Variants in GTF2B observed in about 807,000 individuals in gnomAD.
GTF2B encodes transcription initiation factor IIB.
Under a neutral mutation model 34.6 loss-of-function variants are expected in GTF2B, and 20 were observed. That is an observed-to-expected ratio of 0.58 (90% CI 0.41 to 0.84). The LOEUF (loss-of-function observed/expected upper bound fraction) is 0.84. GTF2B is among the 40% of genes least tolerant of loss of function. The pLI is 0.00. For missense variants in GTF2B, 237 were observed against 393.3 expected (o/e 0.60, Z 3.36); for synonymous variants, 142 against 132.4 (o/e 1.07, Z -0.50).
Position 88,853,255 on chromosome 1 carries a change from G to T in GTF2B, c.909C>A (p.Asp303Glu). The T allele has an allele frequency of 3.1e-6, 5 of 1,613,198 alleles. No individual in the cohort carries two copies. Among genetic ancestry groups the T allele is most frequent in the Non-Finnish European group, 4.2e-6 (5 of 1,179,152 alleles). Reference protein sequence around the residue: ...YPRAPDLFPTDFKFDTPVDKL... With the variant: ...YPRAPDLFPTEFKFDTPVDKL... The stretch of plus-strand genomic sequence containing the variant: ...TGTCCACTGGGGTGTCAAATTTGAA[G>T]TCTGTAGGAAACAGATCTGGGGCTC... Residue 303 changes from aspartate (D) to glutamate (E), a missense_variant, in exon 7 of 7, where the codon GAC (aspartate) becomes GAA (glutamate). Asp to Glu is a conservative substitution (Grantham distance 45). Transcript: ENST00000370500.
At chr1:88,873,537 G>A (rs919036815) in intron 2 of GTF2B, among the ~76,000 whole-genome samples, 5 of 151,820 alleles carry the variant, frequency 3.3e-5, no homozygotes, top group Non-Finnish European at 7.4e-5. Flanking sequence ...ATACAGGTAG[G>A]GTTGCTATAA....
intron 2 of GTF2B, among the ~76,000 whole-genome samples, chr1:88,885,990 C>T (rs1008900086): frequency 2.0e-5 from 3 of 152,064 alleles, no homozygotes; most frequent in Non-Finnish European, 2.9e-5. Context: ...ACTACCTAAA[C>T]GTCAGTTTCC....
intron 6 of GTF2B, among the ~76,000 whole-genome samples, chr1:88,856,290 A>AAAAAAAAAG (rs1673310221): frequency 1.2e-5 from 1 of 80,150 alleles, no homozygotes; most frequent in African/African-American, 7.5e-5. Flanking sequence ...AAAAAAAAAA[A>AAAAAAAAAG]CAAAAAAAAA....
rs1251889848 is a variant in GTF2B, at chr1:88,887,337, T to C, written c.48A>G (p.Pro16=). ...RLDALPRVTC[P]NHPDAILVED... ...CCACTAAAATCGCATCTGGATGGTT[T>C]GGACATGTGACTCTTGGAAGAGCAT... Residue 16 remains proline (P), a synonymous_variant, in exon 2 of 7, where the codon CCA becomes CCG. Coordinates refer to ENST00000370500, the MANE Select transcript of GTF2B (RefSeq NM_001514.6). 6.2e-7 allele frequency: 1 copy of C among 1,611,746 alleles called. No homozygotes were observed. The highest frequency in any genetic ancestry group is 1.1e-5 in the South Asian group (1 of 91,056).
chr1:88,857,213 G>T lies in GTF2B; in HGVS notation c.810C>A (p.Thr270=), dbSNP rs1156302318. The T allele has an allele frequency of 4.4e-6, 7 of 1,601,332 alleles. No homozygotes were observed. Among genetic ancestry groups the T allele is most frequent in the South Asian group, 2.3e-5 (2 of 88,714 alleles). ...CCTGATGACGAACCCTACCTTTTTGGGTCCTCTTTTCAGCTGATGCCTGTG... is the reference window on the plus strand; with the variant it reads ...CCTGATGACGAACCCTACCTTTTTGTGTCCTCTTTTCAGCTGATGCCTGTG... ...MASQASAEKR[T]QKEIGDIAGV... The change falls in exon 6 of 7, where the codon ACC becomes ACA. Residue 270 remains threonine, a synonymous_variant. Coordinates refer to ENST00000370500, the MANE Select transcript of GTF2B (RefSeq NM_001514.6).
At chr1:88,877,946 AAAC>A (rs1034355412) in intron 2 of GTF2B, among the ~76,000 whole-genome samples, 122 of 152,234 alleles carry the variant, frequency 8.0e-4, no homozygotes, top group African/African-American at 2.7e-3. Context: ...CAAAACAAAC[AAAC>A]AAGCAAAGAC....
intron 2 of GTF2B, among the ~76,000 whole-genome samples, chr1:88,885,002 A>G (rs1316553421): frequency 4.6e-5 from 7 of 152,268 alleles, no homozygotes; most frequent in African/African-American, 1.2e-4. Context: ...CATCACTGCA[A>G]TTAGTATGCT....
intron 2 of GTF2B, among the ~76,000 whole-genome samples, chr1:88,871,244 T>C (rs1673687868): frequency 6.6e-6 from 1 of 152,190 alleles, no homozygotes; most frequent in Admixed American, 6.5e-5. Context: ...CACAGTTGTT[T>C]GAGAGCTATT....
chr1:88,858,028 T>A (rs1013346228), intron 5 of GTF2B, among the ~76,000 whole-genome samples: 3 of 151,830 alleles, frequency 2.0e-5, no homozygotes, highest in Non-Finnish European at 4.4e-5. Flanking sequence ...TTTTTTGAGA[T>A]GAAATTTCAC....
At chr1:88,864,193 C>G in intron 2 of GTF2B, 79 bp from the exon 3 acceptor site, 1 of 1,276,850 alleles carries the variant, frequency 7.8e-7, no homozygotes, top group South Asian at 1.2e-5. Context: ...CCCAACTAAG[C>G]CATTTTATTC....
At chr1:88,891,134 C>CGGGG (rs1486298401) in intron 1 of GTF2B, among the ~76,000 whole-genome samples, 1 of 1,592 alleles carries the variant, frequency 6.3e-4, no homozygotes. Flanking sequence ...GGGGGGGGCG[C>CGGGG]GGGGGAGGAG....
chr1:88,886,139 G>A (rs527571494), intron 2 of GTF2B, among the ~76,000 whole-genome samples: 49 of 152,296 alleles, frequency 3.2e-4, no homozygotes, highest in African/African-American at 1.1e-3. Flanking sequence ...TTACTCAGCA[G>A]AATACGGTTG....
intron 3 of GTF2B, among the ~76,000 whole-genome samples, chr1:88,862,383 A>C (rs1570721001): frequency 2.0e-5 from 3 of 152,212 alleles, no homozygotes. Context: ...CTCTACAAAA[A>C]ATACAAAAAT....
chr1:88,853,547 G>A (rs1276524112), intron 6 of GTF2B, among the ~76,000 whole-genome samples: 1 of 152,240 alleles, frequency 6.6e-6, no homozygotes, highest in Non-Finnish European at 1.5e-5. Flanking sequence ...GCTCATGCCT[G>A]TAATCCCAGC....
At chr1:88,855,475 C>G (rs2100960097) in intron 6 of GTF2B, among the ~76,000 whole-genome samples, 1 of 151,524 alleles carries the variant, frequency 6.6e-6, no homozygotes, top group South Asian at 2.1e-4. Context: ...CTCTTAGCCT[C>G]CCGAGTAGCT....
chr1:88,891,182 T>C (rs1236424866), intron 1 of GTF2B, among the ~76,000 whole-genome samples: 1 of 139,906 alleles, frequency 7.1e-6, no homozygotes, highest in African/African-American at 2.7e-5. Flanking sequence ...TAAAGGGAGA[T>C]TGAAATATTG....
At chr1:88,887,143 T>A (rs553480432) in intron 2 of GTF2B, 118 bp downstream of exon 2, 3 of 625,820 alleles carry the variant, frequency 4.8e-6, no homozygotes, top group South Asian at 3.5e-5. Context: ...GGTCTCGAAC[T>A]CCTGACCTCA....
chr1:88,885,021 GA>G (rs1302675235), intron 2 of GTF2B, among the ~76,000 whole-genome samples: 3 of 152,212 alleles, frequency 2.0e-5, no homozygotes, highest in Non-Finnish European at 2.9e-5. Flanking sequence ...CTGAGCAGCA[GA>G]AAAAAAGTGA....
At chr1:88,889,980 C>T (rs958791733) in intron 1 of GTF2B, among the ~76,000 whole-genome samples, 1 of 152,144 alleles carries the variant, frequency 6.6e-6, no homozygotes. Context: ...GTCATGGCTG[C>T]AGTGAGCCAT....
Sources: gnomAD v4.1 joint callset for allele counts (sites outside exome capture counted in the v4.1 genomes callset) on GRCh38, gnomAD v4.1.1 for gene constraint, MANE v1.5 for transcripts, NCBI Gene and HGNC (gene_info 2026-07-23, HGNC 2026-07-21) for gene names.